The following DLG2 variants were observed in gnomAD, a reference collection of about 807,000 sequenced individuals.
The protein encoded by DLG2 is discs large MAGUK scaffold protein 2.
A neutral mutation model predicts 132.5 loss-of-function variants in DLG2; 45 were observed. That is an observed-to-expected ratio of 0.34 (90% CI 0.27 to 0.44). The LOEUF is 0.44. Ranked by LOEUF, DLG2 falls within the 20% of genes least tolerant of loss-of-function variation. The pLI is 1.00. For missense variants in DLG2, 1,045 were observed against 1,196.9 expected, an observed-to-expected ratio of 0.87 and a Z score of 1.87; for synonymous variants, 424 against 419.6, an observed-to-expected ratio of 1.01 and a Z score of -0.13.
chr11:84,454,962 A>T (rs1391515348), intron 7 of DLG2, among the ~76,000 whole-genome samples: 1 of 151,380 alleles, frequency 6.6e-6, no homozygotes, highest in Non-Finnish European at 1.5e-5. Context: ...ATTGCACTTG[A>T]AATATGTGCA....
intron 7 of DLG2, among the ~76,000 whole-genome samples, chr11:84,376,078 A>G (rs183469752): frequency 6.6e-6 from 1 of 152,096 alleles, no homozygotes. Context: ...AGCCATGTTA[A>G]TGTGTTCACA....
intron 4 of DLG2, among the ~76,000 whole-genome samples, chr11:85,253,819 A>C (rs1298750348): frequency 6.6e-6 from 1 of 152,094 alleles, no homozygotes; most frequent in Non-Finnish European, 1.5e-5. Flanking sequence ...AAAAAATGCC[A>C]AAGGGGAGCT....
intron 16 of DLG2, among the ~76,000 whole-genome samples, chr11:83,858,997 CTG>C (rs1485110017): frequency 6.6e-6 from 1 of 152,238 alleles, no homozygotes; most frequent in Non-Finnish European, 1.5e-5. Flanking sequence ...CCTGCACAGG[CTG>C]TCTCTTTGCC....
intron 19 of DLG2, among the ~76,000 whole-genome samples, chr11:83,597,717 G>C (rs11233690): frequency 6.6e-6 from 1 of 151,932 alleles, no homozygotes; most frequent in African/African-American, 2.4e-5. Flanking sequence ...CCTTGGAGGC[G>C]GAGGCTGCAG....
At chr11:84,201,321 T>G (rs913432964) in intron 8 of DLG2, among the ~76,000 whole-genome samples, 1 of 152,216 alleles carries the variant, frequency 6.6e-6, no homozygotes, top group Non-Finnish European at 1.5e-5. Context: ...GATAAGCTTT[T>G]GGATGTGCTG....
At chr11:84,090,324 G>A (rs756994979) in intron 10 of DLG2, among the ~76,000 whole-genome samples, 25 of 144,846 alleles carry the variant, frequency 1.7e-4, no homozygotes, top group Non-Finnish European at 2.8e-4. Flanking sequence ...TGAGGCAGGA[G>A]AATCGCTTGA....
chr11:85,183,586 G>A (rs1403725190), intron 4 of DLG2, among the ~76,000 whole-genome samples: 1 of 151,834 alleles, frequency 6.6e-6, no homozygotes, highest in Non-Finnish European at 1.5e-5. Context: ...GTTGGGTCCA[G>A]GTCCACCATT....
intron 4 of DLG2, among the ~76,000 whole-genome samples, chr11:85,273,523 A>G (rs1336294435): frequency 1.3e-5 from 2 of 152,258 alleles, no homozygotes; most frequent in South Asian, 2.1e-4. Flanking sequence ...ATCACTGGCC[A>G]TCAGAGAAAT....
At chr11:84,111,069 G>A (rs1169412176) in intron 9 of DLG2, among the ~76,000 whole-genome samples, 1 of 152,054 alleles carries the variant, frequency 6.6e-6, no homozygotes, top group African/African-American at 2.4e-5. Context: ...ACTGCACACA[G>A]CACATTGTTT....
chr11:84,490,886 CGT>C (rs113318666), intron 7 of DLG2, among the ~76,000 whole-genome samples: 87 of 147,660 alleles, frequency 5.9e-4, no homozygotes, highest in Admixed American at 1.2e-3. Context: ...TGAATGGTTG[CGT>C]GTGTGTGTGT....
chr11:85,615,516 CA>C (rs1039551847), intron 2 of DLG2, among the ~76,000 whole-genome samples: 14 of 142,912 alleles, frequency 9.8e-5, no homozygotes, highest in Middle Eastern at 3.6e-3. Context: ...GATTCCATCT[CA>C]AAAAAAAAAG....
chr11:84,594,730 A>G (rs891067140), intron 6 of DLG2, among the ~76,000 whole-genome samples: 1 of 152,186 alleles, frequency 6.6e-6, no homozygotes, highest in East Asian at 1.9e-4. Context: ...CAGAAAAATC[A>G]CTTTGACAGC....
intron 8 of DLG2, among the ~76,000 whole-genome samples, chr11:84,213,546 G>T (rs760973211): frequency 5.9e-5 from 9 of 152,134 alleles, no homozygotes; most frequent in Non-Finnish European, 1.2e-4. Flanking sequence ...GAGGCCAGGC[G>T]CGGTGGCTCA....
chr11:85,460,354 T>G (rs994295066), intron 3 of DLG2, among the ~76,000 whole-genome samples: 6 of 152,160 alleles, frequency 3.9e-5, no homozygotes, highest in African/African-American at 1.4e-4. Context: ...GTCTGGAAGC[T>G]CTGGTGGGGT....
chr11:85,167,600 C>A (rs906888676), intron 4 of DLG2, among the ~76,000 whole-genome samples: 2 of 152,090 alleles, frequency 1.3e-5, no homozygotes, highest in Non-Finnish European at 2.9e-5. Context: ...AACAAACAGG[C>A]CTTAAGTCTG....
intron 3 of DLG2, among the ~76,000 whole-genome samples, chr11:85,350,872 G>C (rs1351139899): frequency 6.6e-6 from 1 of 152,184 alleles, no homozygotes; most frequent in African/African-American, 2.4e-5. Context: ...TTTTGGCTTA[G>C]GATTGTCTTG....
intron 7 of DLG2, among the ~76,000 whole-genome samples, chr11:84,421,972 C>T (rs1255395438): frequency 1.3e-5 from 2 of 152,142 alleles, no homozygotes; most frequent in Non-Finnish European, 1.5e-5. Flanking sequence ...TCCTGTTGTG[C>T]CTACAAATTG....
intron 3 of DLG2, among the ~76,000 whole-genome samples, chr11:85,324,859 AC>A (rs2081335652): frequency 6.6e-6 from 1 of 150,554 alleles, no homozygotes; most frequent in South Asian, 2.1e-4. Context: ...CATCTGAGGT[AC>A]CGGGTTCATC....
chr11:85,224,827 G>A (rs568156218), intron 4 of DLG2, among the ~76,000 whole-genome samples: 6 of 152,182 alleles, frequency 3.9e-5, no homozygotes, highest in African/African-American at 1.4e-4. Context: ...TAACATAATC[G>A]TGTAAAATAA....
Sources: gnomAD v4.1 joint callset for allele counts (sites outside exome capture counted in the v4.1 genomes callset) on GRCh38, gnomAD v4.1.1 for gene constraint, MANE v1.5 for transcripts, NCBI Gene and HGNC (gene_info 2026-07-23, HGNC 2026-07-21) for gene names.